The following PHLPP2 variants were observed in gnomAD, a reference collection of about 807,000 sequenced individuals.
PHLPP2 encodes PH domain leucine-rich repeat-containing protein phosphatase 2.
Under a neutral mutation model 124.9 loss-of-function variants are expected in PHLPP2, and 66 were observed. The ratio of observed to expected loss-of-function variants is 0.53; its 90% CI spans 0.43 to 0.65. The LOEUF is 0.65. PHLPP2 is among the 30% of genes least tolerant of loss of function. The pLI is 0.00. For synonymous variants in PHLPP2, 681 were observed against 624.7 expected (o/e 1.09, Z -1.34); for missense variants, 1,685 against 1,600.4 (o/e 1.05, Z -0.90).
At chr16:71,656,744 C>A in intron 15 of PHLPP2, 63 bp from the exon 16 acceptor site, 1 of 956,588 alleles carries the variant, frequency 1.0e-6, no homozygotes. Flanking sequence ...ACTATCCCAA[C>A]AATAGTATTC....
chr16:71,657,451 G>A (rs1254706294), intron 15 of PHLPP2, among the ~76,000 whole-genome samples: 3 of 150,834 alleles, frequency 2.0e-5, no homozygotes, highest in African/African-American at 7.3e-5. Flanking sequence ...CTGGAGTGCA[G>A]TGGCGTGATC....
At chr16:71,693,802 CAA>C (rs1202367262) in intron 3 of PHLPP2, among the ~76,000 whole-genome samples, 1 of 152,218 alleles carries the variant, frequency 6.6e-6, no homozygotes, top group African/African-American at 2.4e-5. Flanking sequence ...AACTTCTTCA[CAA>C]AGACTTCCCC....
At chr16:71,713,018 C>CA (rs922782781) in intron 2 of PHLPP2, among the ~76,000 whole-genome samples, 6 of 152,108 alleles carry the variant, frequency 3.9e-5, no homozygotes, top group Non-Finnish European at 4.4e-5. Flanking sequence ...TCAAAGAGTT[C>CA]ACATGCATAG....
In PHLPP2 at chr16:71,658,688, T is replaced by C. The variant is rs1460416170; in HGVS notation, c.2113A>G (p.Ile705Val). 2 of 1,614,108 alleles carry C rather than the reference T, an allele frequency of 1.2e-6. No individual in the cohort carries two copies. Among genetic ancestry groups the C allele is most frequent in the South Asian group, 1.1e-5 (1 of 91,074 alleles). ...GGCAACTGCAGTATTTCTGGGAAAATGCTGATGTTGTTGGAGTGTGCAACA... is the reference window on the plus strand; with the variant it reads ...GGCAACTGCAGTATTTCTGGGAAAACGCTGATGTTGTTGGAGTGTGCAACA... Reference protein sequence around the residue: ...TLVAHSNNISIFPEILQLPQI... With the variant: ...TLVAHSNNISVFPEILQLPQI... The change falls in exon 14 of 19, where the codon ATT becomes GTT. Residue 705 changes from isoleucine (I) to valine (V), a missense_variant. Physicochemically the swap from Ile to Val is conservative, Grantham distance 29 (BLOSUM62 3). Coordinates refer to ENST00000568954, the MANE Select transcript of PHLPP2 (RefSeq NM_015020.3).
At chr16:71,665,649 A>T (rs2044832528) in intron 12 of PHLPP2, among the ~76,000 whole-genome samples, 1 of 152,190 alleles carries the variant, frequency 6.6e-6, no homozygotes, top group Non-Finnish European at 1.5e-5. Context: ...TGGTCTCAAC[A>T]AAGCTCTTTC....
At position 71,649,993 on chromosome 16, in the gene PHLPP2, A is replaced by G; in HGVS notation, c.2869T>C (p.Tyr957His). The G allele has an allele frequency of 6.2e-7, 1 of 1,613,394 alleles. No homozygotes were observed. The highest frequency in any genetic ancestry group is 8.5e-7 in the Non-Finnish European group (1 of 1,180,002). The change falls in exon 19 of 19, where the codon TAC (tyrosine) becomes CAC (histidine). Residue 957 changes from tyrosine (Y) to histidine (H), a missense_variant. By Grantham distance (83) the Tyr-to-His change is moderately conservative. Transcript: ENST00000568954. The stretch of plus-strand genomic sequence containing the variant: ...TTGGGGAGGATCCAAGGGTAGAGGT[A>G]TGTACAGCCCAGCATCCGGGTACAG... The part of the protein sequence containing the change: ...TCCTRMLGCT[Y>H]LYPWILPKPH...
intron 18 of PHLPP2, among the ~76,000 whole-genome samples, chr16:71,651,135 T>G (rs891622169): frequency 1.3e-5 from 2 of 152,160 alleles, no homozygotes; most frequent in African/African-American, 4.8e-5. Flanking sequence ...AGATGGGAGT[T>G]GGATACCAGC....
intron 13 of PHLPP2, among the ~76,000 whole-genome samples, chr16:71,662,586 T>C (rs539092997): frequency 6.6e-6 from 1 of 152,344 alleles, no homozygotes; most frequent in East Asian, 1.9e-4. Context: ...TAAATGTTCA[T>C]AAAAATTATA....
intron 1 of PHLPP2, among the ~76,000 whole-genome samples, chr16:71,720,315 A>G (rs913661803): frequency 6.6e-6 from 1 of 151,130 alleles, no homozygotes; most frequent in Non-Finnish European, 1.5e-5. Flanking sequence ...ACGGGGTTTC[A>G]CTATGTTGGC....
chr16:71,724,481 T>A lies in PHLPP2; in HGVS notation c.-159A>T, dbSNP rs1477966080. The A allele has an allele frequency of 6.6e-6, 1 of 152,258 alleles. No individual in the cohort carries two copies. The allele number at this position is 152,258 out of a possible 1,614,324, so 9.4% of individuals were successfully genotyped here. ...GCAAAATTATCAGAATTCGGTGCTCTGCTTCAAGCAGTAATATGGCCTGTG... is the reference window on the plus strand; with the variant it reads ...GCAAAATTATCAGAATTCGGTGCTCAGCTTCAAGCAGTAATATGGCCTGTG... On this transcript the variant is annotated 5_prime_UTR_variant, in exon 1 of 19. Transcript: ENST00000568954.
At chr16:71,691,023 A>T (rs563054583) in intron 3 of PHLPP2, among the ~76,000 whole-genome samples, 1 of 152,350 alleles carries the variant, frequency 6.6e-6, no homozygotes, top group Non-Finnish European at 1.5e-5. Flanking sequence ...ATGAACTCTG[A>T]AGTCAGAGAT....
Position 71,649,560 on chromosome 16 carries a change from T to C in PHLPP2, c.3302A>G (p.His1101Arg), listed in dbSNP as rs774274989. 9.3e-6 allele frequency: 15 copies of C among 1,614,058 alleles called. No homozygotes were observed. The highest frequency in any genetic ancestry group is 8.5e-7 in the Non-Finnish European group (1 of 1,180,034). The change falls in exon 19 of 19, where the codon CAT becomes CGT. Residue 1101 changes from histidine to arginine, a missense_variant. His to Arg is a conservative substitution (Grantham distance 29, BLOSUM62 0). Transcript: ENST00000568954. ...GGCAGTGTCCAGGCCCCCAGCATTA[T>C]GCTCATCAGAAGCAGTGGACCCCAC... ...SEVGSTASDE[H>R]NAGGLDTALL...
At chr16:71,670,695 A>ACACACACAC (rs372978115) in intron 10 of PHLPP2, among the ~76,000 whole-genome samples, 1 of 128,940 alleles carries the variant, frequency 7.8e-6, no homozygotes, top group African/African-American at 3.0e-5. Flanking sequence ...AGAGGCTGAA[A>ACACACACAC]ACACACACAC....
chr16:71,684,718 T>G (rs1392785181), intron 4 of PHLPP2, 117 bp from the exon 5 acceptor site: 1 of 983,922 alleles, frequency 1.0e-6, no homozygotes, highest in African/African-American at 1.6e-5. Flanking sequence ...TTTTTATTTT[T>G]TCTCTCTCCC....
intron 6 of PHLPP2, among the ~76,000 whole-genome samples, chr16:71,680,209 A>G (rs966313148): frequency 6.6e-6 from 1 of 152,244 alleles, no homozygotes; most frequent in Non-Finnish European, 1.5e-5. Context: ...CATGTAATAT[A>G]CAAAATCCTT....
At chr16:71,656,754 C>CT (rs796742202) in intron 15 of PHLPP2, 73 bp from the exon 16 acceptor site, 50,551 of 668,246 alleles carry the variant, frequency 0.076, 14 homozygotes, top group South Asian at 0.084. Context: ...CAATAGTATT[C>CT]TTTTTTTTTT....
intron 18 of PHLPP2, among the ~76,000 whole-genome samples, 183 bp from the exon 19 acceptor site, chr16:71,650,227 T>C (rs1047828643): frequency 6.6e-6 from 1 of 152,246 alleles, no homozygotes; most frequent in Non-Finnish European, 1.5e-5. Context: ...AGACAAAATA[T>C]TATATGGTTA....
chr16:71,662,666 T>C (rs766603525), intron 13 of PHLPP2, among the ~76,000 whole-genome samples: 11 of 152,170 alleles, frequency 7.2e-5, no homozygotes, highest in Non-Finnish European at 1.5e-4. Flanking sequence ...CTCACATTCT[T>C]AGTTTTTGAA....
chr16:71,674,155 G>A (rs971585020), intron 9 of PHLPP2, among the ~76,000 whole-genome samples: 1 of 149,334 alleles, frequency 6.7e-6, no homozygotes, highest in African/African-American at 2.5e-5. Flanking sequence ...TTGGCTCACT[G>A]CAACCTCCAC....
Sources: allele counts gnomAD v4.1 joint callset (sites outside exome capture counted in the v4.1 genomes callset), GRCh38; gene constraint gnomAD v4.1.1; transcripts MANE v1.5; gene names NCBI Gene and HGNC (gene_info 2026-07-23, HGNC 2026-07-21).